The following RBM19 variants were observed in gnomAD, a reference collection of about 807,000 sequenced individuals.
RBM19 encodes the protein RNA binding motif protein 19, also known as probable RNA-binding protein 19.
Under a neutral mutation model 116.8 loss-of-function variants are expected in RBM19, and 94 were observed. The ratio of observed to expected loss-of-function variants is 0.80; its 90% CI spans 0.68 to 0.95. The LOEUF is 0.95. Ranked by LOEUF, RBM19 falls within the 40% of genes least tolerant of loss-of-function variation. The probability of loss-of-function intolerance (pLI) is 0.00; values close to 1 mark genes in which losing one functional copy is unlikely to be tolerated. For missense variants in RBM19, 1,161 were observed against 1,220.7 expected (o/e 0.95, Z 0.73); for synonymous variants, 475 against 494.1 (o/e 0.96, Z 0.51).
intron 21 of RBM19, among the ~76,000 whole-genome samples, chr12:113,890,940 G>A (rs913337041): frequency 6.6e-6 from 1 of 151,958 alleles, no homozygotes; most frequent in Admixed American, 6.5e-5. Context: ...GACTACAGGT[G>A]CATACCACTA....
chr12:113,937,077 G>T lies in RBM19; in HGVS notation c.1998C>A (p.Ala666=). 6.2e-7 allele frequency: 1 copy of T among 1,614,062 alleles called. No homozygotes were observed. The highest frequency in any genetic ancestry group is 8.5e-7 in the Non-Finnish European group (1 of 1,179,980). The change falls in exon 16 of 24, where the codon GCC becomes GCA. Residue 666 remains alanine (A), a synonymous_variant. Coordinates refer to ENST00000261741, the MANE Select transcript of RBM19 (RefSeq NM_016196.4). Reference sequence around the variant, plus strand: ...TGTCTTGGAGCTTTTTCTTCTGTGGGGCTGTGCTGGAGAAGACGCCAACTG... The same window carrying T: ...TGTCTTGGAGCTTTTTCTTCTGTGGTGCTGTGCTGGAGAAGACGCCAACTG... ...WAPVGVFSST[A]PQKKKLQDTP... is the part of the protein sequence containing the mutation.
chr12:113,943,694 G>A (rs73399070), intron 13 of RBM19, among the ~76,000 whole-genome samples: 24,791 of 151,454 alleles, frequency 0.16, 2,722 homozygotes, highest in African/African-American at 0.32. Flanking sequence ...ATGGTGGTGC[G>A]TGCCTGTAAT....
intron 21 of RBM19, among the ~76,000 whole-genome samples, chr12:113,885,323 C>T (rs1245733365): frequency 2.0e-5 from 3 of 152,174 alleles, no homozygotes; most frequent in Admixed American, 6.5e-5. Flanking sequence ...CAAACCCAAT[C>T]GGGGAACTTC....
chr12:113,934,959 G>GC (rs1054590989), intron 16 of RBM19, among the ~76,000 whole-genome samples: 35 of 152,220 alleles, frequency 2.3e-4, no homozygotes, highest in African/African-American at 6.3e-4. Flanking sequence ...CTATGCCTGG[G>GC]CCCCCCGGGG....
In RBM19 at chr12:113,841,455, G is replaced by A. The variant is rs534471450; in HGVS notation, c.2785+3213C>T. Reference sequence around the variant, plus strand: ...TTTTTTTTTTTTGAGATGGAGTCTCGCTCTGTCACCCAGGCTGGAGTGCAG... The same window carrying A: ...TTTTTTTTTTTTGAGATGGAGTCTCACTCTGTCACCCAGGCTGGAGTGCAG... On this transcript the variant is annotated intron_variant, in intron 23 of 23. Transcript: ENST00000261741. Among the ~76,000 whole-genome samples the A allele has an allele frequency of 1.4e-3, 186 of 136,036 alleles. 3 individuals are homozygous for A. The highest frequency in any genetic ancestry group is 4.7e-3 in the African/African-American group (168 of 35,998). 89.2% of individuals were successfully genotyped at this position (136,036 alleles called of 152,430 possible).
chr12:113,912,465 C>T (rs1008677842), intron 21 of RBM19, among the ~76,000 whole-genome samples: 1 of 152,224 alleles, frequency 6.6e-6, no homozygotes, highest in East Asian at 1.9e-4. Context: ...AGAGGAGTGG[C>T]TCCAAGCCGG....
At chr12:113,954,505 A>G (rs905768968) in intron 7 of RBM19, among the ~76,000 whole-genome samples, 8 of 152,116 alleles carry the variant, frequency 5.3e-5, no homozygotes, top group Admixed American at 2.0e-4. Flanking sequence ...CTGGCACCCC[A>G]TTGGGGTAGC....
chr12:113,904,342 C>T (rs1341671475), intron 21 of RBM19, among the ~76,000 whole-genome samples: 1 of 152,138 alleles, frequency 6.6e-6, no homozygotes, highest in African/African-American at 2.4e-5. Flanking sequence ...AAACTCTTTC[C>T]CTTGAATTCA....
intron 23 of RBM19, among the ~76,000 whole-genome samples, chr12:113,840,025 C>T (rs556224591): frequency 6.6e-6 from 1 of 151,534 alleles, no homozygotes; most frequent in African/African-American, 2.4e-5. Context: ...CATTCCCAGT[C>T]CCTCTGAGGC....
chr12:113,839,968 C>G (rs1032979929), intron 23 of RBM19, among the ~76,000 whole-genome samples: 16 of 152,110 alleles, frequency 1.1e-4, no homozygotes, highest in African/African-American at 3.9e-4. Context: ...CTGATGAAAA[C>G]AAAAGATCCT....
At chr12:113,891,739 G>C (rs549832421) in intron 21 of RBM19, among the ~76,000 whole-genome samples, 1 of 152,340 alleles carries the variant, frequency 6.6e-6, no homozygotes, top group East Asian at 1.9e-4. Context: ...CCAAGGTGAT[G>C]GTTCAGGCTG....
rs759268656 is a variant in RBM19 at position 113,960,120 on chromosome 12, G to A, written c.278C>T (p.Ala93Val). 3 of 1,614,186 alleles carry A rather than the reference G, an allele frequency of 1.9e-6. No homozygotes were observed. The highest frequency in any genetic ancestry group is 3.3e-5 in the Admixed American group (2 of 60,026). The change falls in exon 3 of 24, where the codon GCC becomes GTC. Residue 93 changes from alanine to valine, a missense_variant. Physicochemically the swap from Ala to Val is moderately conservative, Grantham distance 64 (BLOSUM62 0). Transcript: ENST00000261741. ...PAKPRAWSKH[A>V]QKPSQPKQPP... Reference sequence around the variant, plus strand: ...CTGCTTGGGCTGGCTTGGTTTCTGGGCATGTTTGCTCCAGGCTCTGGGTTT... The same window carrying A: ...CTGCTTGGGCTGGCTTGGTTTCTGGACATGTTTGCTCCAGGCTCTGGGTTT...
chr12:113,863,199 C>A (rs1239889361), intron 21 of RBM19, among the ~76,000 whole-genome samples: 3 of 127,424 alleles, frequency 2.4e-5, no homozygotes, highest in Non-Finnish European at 5.0e-5. Flanking sequence ...AAGGCAGACA[C>A]AATACGTGTG....
chr12:113,939,667 G>A (rs549515329), intron 15 of RBM19, among the ~76,000 whole-genome samples: 20 of 151,636 alleles, frequency 1.3e-4, no homozygotes, highest in South Asian at 1.3e-3. Flanking sequence ...GGAGAATGGC[G>A]TGAACCCGGG....
chr12:113,940,943 G>A (rs1304813040), intron 14 of RBM19, among the ~76,000 whole-genome samples: 2 of 152,138 alleles, frequency 1.3e-5, no homozygotes, highest in African/African-American at 4.8e-5. Flanking sequence ...AAATGGGTTA[G>A]TAAAAGTACA....
At chr12:113,890,733 G>A (rs1161531307) in intron 21 of RBM19, among the ~76,000 whole-genome samples, 2 of 152,344 alleles carry the variant, frequency 1.3e-5, no homozygotes, top group Admixed American at 6.5e-5. Flanking sequence ...GAACAGTTCC[G>A]AGATCCTTCT....
intron 1 of RBM19, 89 bp downstream of exon 1, chr12:113,966,103 T>C (rs1433435292): frequency 5.8e-6 from 9 of 1,557,326 alleles, no homozygotes; most frequent in Non-Finnish European, 8.0e-6. Context: ...AGAGCAAAAA[T>C]TCTTCGATCA....
intron 23 of RBM19, among the ~76,000 whole-genome samples, chr12:113,833,902 C>G (rs981159307): frequency 6.6e-6 from 1 of 152,096 alleles, no homozygotes; most frequent in Admixed American, 6.5e-5. Context: ...TGCCACCATG[C>G]CTGGCTAATT....
At chr12:113,830,840 C>T (rs1565960764) in intron 23 of RBM19, among the ~76,000 whole-genome samples, 1 of 152,246 alleles carries the variant, frequency 6.6e-6, no homozygotes, top group South Asian at 2.1e-4. Context: ...TTGGCATAGG[C>T]CCTGGGTTGG....
Sources: allele counts gnomAD v4.1 joint callset (sites outside exome capture counted in the v4.1 genomes callset), GRCh38; gene constraint gnomAD v4.1.1; transcripts MANE v1.5; gene names NCBI Gene and HGNC (gene_info 2026-07-23, HGNC 2026-07-21).